Variants in MYO5A observed in about 807,000 individuals in gnomAD.
The protein encoded by MYO5A is myosin VA.
A neutral mutation model predicts 249.7 loss-of-function variants in MYO5A; 98 were observed. That is an observed-to-expected ratio of 0.39 (90% CI 0.33 to 0.46). MYO5A has a LOEUF of 0.46. Among genes scored for constraint, MYO5A ranks in the 20% least tolerant of loss-of-function variants. MYO5A has a pLI of 0.98. For missense variants in MYO5A, 1,696 were observed against 2,308.8 expected (o/e 0.73, Z 5.44); for synonymous variants, 778 against 810.6 (o/e 0.96, Z 0.68).
At chr15:52,454,184 T>A (rs1383075465) in intron 1 of MYO5A, among the ~76,000 whole-genome samples, 1 of 151,956 alleles carries the variant, frequency 6.6e-6, no homozygotes, top group Non-Finnish European at 1.5e-5. Flanking sequence ...ATTGCATGCA[T>A]GTGGAAACCA....
At position 52,391,917 on chromosome 15, in the gene MYO5A, A is replaced by G. The variant is rs770752536; in HGVS notation, c.1542+13T>C. ...ATTTTGATAAACCAAGTACCCCAGG[A>G]AATCATACTTACCTTGCATTCCTCA... On this transcript the variant is annotated intron_variant, in intron 12 of 41. Transcript: ENST00000399233. The G allele has an allele frequency of 3.7e-6, 6 of 1,611,796 alleles. No homozygotes were observed. In the South Asian group the frequency reaches 6.6e-5, roughly 18 times the overall value.
intron 2 of MYO5A, 61 bp from the exon 3 acceptor site, chr15:52,428,630 A>G (rs1376309434): frequency 1.9e-6 from 3 of 1,572,528 alleles, no homozygotes; most frequent in African/African-American, 1.3e-5. Flanking sequence ...AAAGAGGCCC[A>G]TGCATTTTGC....
chr15:52,426,478 T>A (rs1204313648), intron 3 of MYO5A, among the ~76,000 whole-genome samples: 1 of 152,174 alleles, frequency 6.6e-6, no homozygotes, highest in Non-Finnish European at 1.5e-5. Flanking sequence ...GTTTGTTTAA[T>A]TTGAGATAGG....
intron 34 of MYO5A, among the ~76,000 whole-genome samples, chr15:52,330,718 C>T (rs974492780): frequency 6.6e-6 from 1 of 152,176 alleles, no homozygotes; most frequent in Non-Finnish European, 1.5e-5. Flanking sequence ...TCCTGCCTAA[C>T]TGTAAATTAA....
intron 4 of MYO5A, among the ~76,000 whole-genome samples, 160 bp from the exon 5 acceptor site, chr15:52,416,461 T>C (rs1311874369): frequency 6.6e-6 from 1 of 152,034 alleles, no homozygotes; most frequent in Non-Finnish European, 1.5e-5. Context: ...ATCCCTATAC[T>C]GGCCACCAGA....
chr15:52,447,019 A>C (rs2075906195), intron 1 of MYO5A, among the ~76,000 whole-genome samples: 2 of 152,270 alleles, frequency 1.3e-5, no homozygotes, highest in African/African-American at 4.8e-5. Context: ...AGAATGAGTC[A>C]AGGCTTTGGG....
intron 33 of MYO5A, 21 bp from the exon 34 acceptor site, chr15:52,336,577 T>C (rs1193950190): frequency 9.7e-6 from 15 of 1,552,678 alleles, no homozygotes; most frequent in South Asian, 1.1e-5. Context: ...AAAAGAGAAA[T>C]ATATTAGAAA....
intron 1 of MYO5A, among the ~76,000 whole-genome samples, chr15:52,460,977 A>G (rs1460198028): frequency 6.6e-6 from 1 of 152,168 alleles, no homozygotes; most frequent in Non-Finnish European, 1.5e-5. Context: ...TTTTTGAGAC[A>G]GAGTCTTGCT....
At chr15:52,317,833 G>A (rs746130292) in intron 39 of MYO5A, among the ~76,000 whole-genome samples, 16 of 152,192 alleles carry the variant, frequency 1.1e-4, no homozygotes, top group South Asian at 4.1e-4. Flanking sequence ...CAAAGACATT[G>A]TAGGTTTCAC....
At chr15:52,417,533 T>C (rs1034757651) in intron 4 of MYO5A, among the ~76,000 whole-genome samples, 2 of 152,194 alleles carry the variant, frequency 1.3e-5, no homozygotes, top group Admixed American at 6.5e-5. Flanking sequence ...CCTCATGTGG[T>C]TGACGGATGT....
intron 12 of MYO5A, 77 bp from the exon 13 acceptor site, chr15:52,389,440 T>A: frequency 7.1e-7 from 1 of 1,410,874 alleles, no homozygotes; most frequent in Non-Finnish European, 9.6e-7. Context: ...TGTCAAAAGA[T>A]CTTTTATTTT....
intron 18 of MYO5A, among the ~76,000 whole-genome samples, chr15:52,377,519 T>C (rs2041481988): frequency 6.6e-6 from 1 of 152,120 alleles, no homozygotes. Flanking sequence ...CATTAATCAT[T>C]CTTGCATCAA....
intron 1 of MYO5A, among the ~76,000 whole-genome samples, chr15:52,470,676 T>TGACAAGGTATTCCCTCACATCAGG (rs2076444847): frequency 6.6e-6 from 1 of 151,420 alleles, no homozygotes. Context: ...CATTCCTTAC[T>TGACAAGGTATTCCCTCACATCAGG]GACAAGGTAT....
At chr15:52,456,053 T>C (rs1401698505) in intron 1 of MYO5A, among the ~76,000 whole-genome samples, 1 of 152,070 alleles carries the variant, frequency 6.6e-6, no homozygotes, top group Non-Finnish European at 1.5e-5. Context: ...TCTTATTATT[T>C]AGAAAACCCT....
At chr15:52,321,306 G>A (rs2038299375) in intron 38 of MYO5A, 53 bp downstream of exon 38, 7 of 1,608,948 alleles carry the variant, frequency 4.4e-6, no homozygotes, top group East Asian at 2.2e-5. Flanking sequence ...GCTACTTATC[G>A]ATGGGCATGA....
intron 22 of MYO5A, 49 bp from the exon 23 acceptor site, chr15:52,367,173 C>G (rs1281472473): frequency 1.3e-6 from 2 of 1,485,468 alleles, no homozygotes; most frequent in African/African-American, 1.4e-5. Context: ...ACAGAGGAAG[C>G]CTGATGACCA....
chr15:52,500,248 T>C (rs573987764), intron 1 of MYO5A, among the ~76,000 whole-genome samples: 2 of 152,298 alleles, frequency 1.3e-5, no homozygotes, highest in South Asian at 4.2e-4. Context: ...TAGATTTGCA[T>C]TTCCCTAATG....
At position 52,372,243 on chromosome 15, in the gene MYO5A, T is replaced by C. The variant is rs1383347238; in HGVS notation, c.2698A>G (p.Met900Val). The change falls in exon 21 of 42, where the codon ATG (methionine) becomes GTG (valine). Residue 900 changes from methionine to valine, a missense_variant. Physicochemically the swap from Met to Val is conservative, Grantham distance 21. Coordinates refer to ENST00000399233, the MANE Select transcript of MYO5A (RefSeq NM_001382347.1). ...AGCTTCTTTAGCTCACGCTTGGCCA[T>C]CATCCGCCTGAAGCAGCACTGAAGG... Reference protein sequence around the residue: ...IYLQCCFRRMMAKRELKKLKI... With the variant: ...IYLQCCFRRMVAKRELKKLKI... 1.2e-6 allele frequency: 2 copies of C among 1,613,058 alleles called. No individual in the cohort carries two copies. The highest frequency in any genetic ancestry group is 8.5e-7 in the Non-Finnish European group (1 of 1,180,036).
intron 1 of MYO5A, among the ~76,000 whole-genome samples, chr15:52,526,336 G>A (rs1049882540): frequency 2.0e-5 from 3 of 151,992 alleles, no homozygotes; most frequent in African/African-American, 4.8e-5. Context: ...AGCTGGGACC[G>A]CAGGCGTGAC....
Sources: gnomAD v4.1 joint callset for allele counts (sites outside exome capture counted in the v4.1 genomes callset) on GRCh38, gnomAD v4.1.1 for gene constraint, MANE v1.5 for transcripts, NCBI Gene and HGNC (gene_info 2026-07-23, HGNC 2026-07-21) for gene names.